Variants in SMURF2 observed in about 807,000 individuals in gnomAD.
The protein encoded by SMURF2 is SMAD specific E3 ubiquitin protein ligase 2.
SMURF2 carries 48 observed loss-of-function variants against 109.6 expected under a neutral mutation model. The ratio of observed to expected loss-of-function variants is 0.44; its 90% CI spans 0.35 to 0.56. SMURF2 has a LOEUF of 0.56. Among genes scored for constraint, SMURF2 ranks in the 20% least tolerant of loss-of-function variants. SMURF2 has a pLI of 0.01. For missense variants in SMURF2, 575 were observed against 909.0 expected (o/e 0.63, Z 4.72); for synonymous variants, 288 against 317.1 (o/e 0.91, Z 0.97).
At chr17:64,554,816 A>T (rs782531203) in intron 15 of SMURF2, 40 bp downstream of exon 15, 3 of 1,592,138 alleles carry the variant, frequency 1.9e-6, no homozygotes, top group Non-Finnish European at 2.6e-6. Context: ...ATTCTAGAAC[A>T]TTTTAAAAAA....
At chr17:64,562,158 T>C (rs1215958631) in intron 11 of SMURF2, among the ~76,000 whole-genome samples, 1 of 151,158 alleles carries the variant, frequency 6.6e-6, no homozygotes, top group Non-Finnish European at 1.5e-5. Context: ...CTGAGCGTGG[T>C]AGCGTGTGCC....
intron 1 of SMURF2, among the ~76,000 whole-genome samples, chr17:64,648,861 G>A (rs782538458): frequency 3.3e-5 from 5 of 152,016 alleles, no homozygotes; most frequent in Non-Finnish European, 5.9e-5. Context: ...ATCAAATGCC[G>A]TTTTACTTTT....
intron 10 of SMURF2, among the ~76,000 whole-genome samples, chr17:64,566,085 C>T (rs1264574467): frequency 1.3e-5 from 2 of 151,064 alleles, no homozygotes; most frequent in Admixed American, 6.6e-5. Flanking sequence ...TTCAAAACTC[C>T]GTTAACACTT....
intron 1 of SMURF2, among the ~76,000 whole-genome samples, chr17:64,657,037 C>T (rs1219646347): frequency 2.0e-5 from 3 of 152,156 alleles, no homozygotes; most frequent in Non-Finnish European, 2.9e-5. Flanking sequence ...CAGAACTATT[C>T]GGAAGTATTT....
chr17:64,562,477 T>C (rs535458967), intron 11 of SMURF2, among the ~76,000 whole-genome samples: 2 of 151,030 alleles, frequency 1.3e-5, no homozygotes, highest in Middle Eastern at 3.4e-3. Context: ...CCTCCTGGGT[T>C]CAAGTGATTC....
chr17:64,606,502 A>G, intron 2 of SMURF2, 100 bp downstream of exon 2: 1 of 847,760 alleles, frequency 1.2e-6, no homozygotes. Context: ...TAACACTGAC[A>G]ATACTTCTGA....
intron 1 of SMURF2, among the ~76,000 whole-genome samples, chr17:64,641,324 T>C (rs560094355): frequency 2.6e-5 from 4 of 152,158 alleles, no homozygotes; most frequent in Non-Finnish European, 4.4e-5. Flanking sequence ...ATTAGATTAA[T>C]ATATCAAAGA....
chr17:64,662,051 CG>C lies in SMURF2; in HGVS notation c.-172del, dbSNP rs532686523. ...TCGTCGCCATGAGCCGCGGAGGGAG[CG>C]GGACGCCGAGCTCCCCCCTCCTCCC... On this transcript the variant is annotated 5_prime_UTR_variant, in exon 1 of 19. Coordinates refer to ENST00000262435, the MANE Select transcript of SMURF2 (RefSeq NM_022739.4). 1,601 of 1,108,518 alleles carry C rather than the reference CG, an allele frequency of 1.4e-3. 21 individuals carry two copies. The African/African-American group carries it at 0.024, about 17-fold the overall frequency. The allele number at this position is 1,108,518 out of a possible 1,614,324, so 68.7% of individuals were successfully genotyped here.
At chr17:64,600,320 A>G (rs1223347424) in intron 2 of SMURF2, among the ~76,000 whole-genome samples, 6 of 152,200 alleles carry the variant, frequency 3.9e-5, no homozygotes, top group Non-Finnish European at 8.8e-5. Context: ...CTTTTGACAA[A>G]AATTTAAAAG....
intron 1 of SMURF2, among the ~76,000 whole-genome samples, chr17:64,639,509 G>A (rs1310553800): frequency 3.9e-5 from 6 of 152,216 alleles, no homozygotes; most frequent in Non-Finnish European, 5.9e-5. Flanking sequence ...CCCGGGAGGC[G>A]GAGGTTGCAG....
chr17:64,599,625 C>T (rs1219478753), intron 2 of SMURF2, among the ~76,000 whole-genome samples: 13 of 152,196 alleles, frequency 8.5e-5, no homozygotes, highest in African/African-American at 3.1e-4. Flanking sequence ...ATTAGATGCT[C>T]ATAGGAGCTG....
At chr17:64,583,916 G>A (rs1969610836) in intron 6 of SMURF2, among the ~76,000 whole-genome samples, 1 of 151,692 alleles carries the variant, frequency 6.6e-6, no homozygotes, top group Non-Finnish European at 1.5e-5. Context: ...ACCCGCCTCG[G>A]CCTCCCAAAG....
chr17:64,641,336 T>C lies in SMURF2; in HGVS notation c.52+20493A>G, dbSNP rs1004295194. ...TCTATTAGATTAATATATCAAAGAATAAATAGTCCAACCCCCCAAAAAAAA... is the reference window on the plus strand; with the variant it reads ...TCTATTAGATTAATATATCAAAGAACAAATAGTCCAACCCCCCAAAAAAAA... On this transcript the variant is annotated intron_variant, in intron 1 of 18. Coordinates refer to ENST00000262435, the MANE Select transcript of SMURF2 (RefSeq NM_022739.4). 5.9e-5 allele frequency among the ~76,000 whole-genome samples: 9 copies of C among 152,232 alleles called. No homozygotes were observed. The South Asian group carries it at 1.2e-3, about 21-fold the overall frequency.
At chr17:64,658,942 G>A (rs1436739238) in intron 1 of SMURF2, among the ~76,000 whole-genome samples, 1 of 152,300 alleles carries the variant, frequency 6.6e-6, no homozygotes. Flanking sequence ...GTAGCTTGAT[G>A]GATGAAATCA....
rs1969143347 is a variant in SMURF2, at chr17:64,557,686, A to G, written c.1353T>C (p.Asn451=). 1 of 1,612,030 alleles carries G rather than the reference A, an allele frequency of 6.2e-7. No homozygotes were observed. Among genetic ancestry groups the G allele is most frequent in the Non-Finnish European group, 8.5e-7 (1 of 1,178,866 alleles). Reference sequence around the variant, plus strand: ...AATACTGGAAGAGGCCATAGTATGGATTCAACATTTCATGTGACAAGAGAT... The same window carrying G: ...AATACTGGAAGAGGCCATAGTATGGGTTCAACATTTCATGTGACAAGAGAT... ...WLYLLSHEML[N]PYYGLFQYSR... Residue 451 remains asparagine (N), a synonymous_variant, in exon 13 of 19, where the codon AAT becomes AAC. Transcript: ENST00000262435.
intron 1 of SMURF2, among the ~76,000 whole-genome samples, chr17:64,638,233 T>G (rs1970449500): frequency 6.6e-6 from 1 of 152,034 alleles, no homozygotes; most frequent in Non-Finnish European, 1.5e-5. Flanking sequence ...GCCCGACTAA[T>G]TTTTGTATTT....
intron 7 of SMURF2, among the ~76,000 whole-genome samples, chr17:64,582,862 G>T (rs1169224141): frequency 6.6e-6 from 1 of 151,634 alleles, no homozygotes; most frequent in Non-Finnish European, 1.5e-5. Flanking sequence ...GCCTTCCAAA[G>T]TGTTGGGCTT....
Position 64,566,155 on chromosome 17 carries a change from G to T in SMURF2, c.1017-3189C>A, listed in dbSNP as rs1446773213. ...AAAAAATAGAAATCAAACATTAATAGAAAAGATACTTCTATCCGACATATC... is the reference window on the plus strand; with the variant it reads ...AAAAAATAGAAATCAAACATTAATATAAAAGATACTTCTATCCGACATATC... On this transcript the variant is annotated intron_variant, in intron 10 of 18. Transcript: ENST00000262435. 3.3e-5 allele frequency among the ~76,000 whole-genome samples: 5 copies of T among 151,884 alleles called. No homozygotes were observed. The East Asian group carries it at 7.7e-4, about 23-fold the overall frequency.
intron 5 of SMURF2, among the ~76,000 whole-genome samples, chr17:64,588,170 A>G (rs1969691828): frequency 6.6e-6 from 1 of 151,926 alleles, no homozygotes; most frequent in South Asian, 2.1e-4. Context: ...TCTAAAAAAA[A>G]TCACAAAAAA....
Sources: gnomAD v4.1 joint callset for allele counts (sites outside exome capture counted in the v4.1 genomes callset) on GRCh38, gnomAD v4.1.1 for gene constraint, MANE v1.5 for transcripts, NCBI Gene and HGNC (gene_info 2026-07-23, HGNC 2026-07-21) for gene names.